ADGRL2: variants seen among roughly 807,000 people sequenced by gnomAD.
ADGRL2 encodes the protein adhesion G protein-coupled receptor L2, also known as calcium-independent alpha-latrotoxin receptor 2.
Under a neutral mutation model 157.4 loss-of-function variants are expected in ADGRL2, and 44 were observed. The ratio of observed to expected loss-of-function variants is 0.28; its 90% CI spans 0.22 to 0.36. The LOEUF (loss-of-function observed/expected upper bound fraction) is 0.36. Among genes scored for constraint, ADGRL2 ranks in the 10% least tolerant of loss-of-function variants. The pLI is 1.00. For synonymous variants in ADGRL2, 585 were observed against 624.7 expected, an observed-to-expected ratio of 0.94 and a Z score of 0.95; for missense variants, 1,510 against 1,768.9, an observed-to-expected ratio of 0.85 and a Z score of 2.63.
chr1:81,577,344 C>G (rs971576656), intron 2 of ADGRL2, among the ~76,000 whole-genome samples: 1 of 152,184 alleles, frequency 6.6e-6, no homozygotes, highest in Non-Finnish European at 1.5e-5. Context: ...CTCCTTGAGT[C>G]CTTCTACCTT....
chr1:81,627,054 G>T (rs1480422804), intron 3 of ADGRL2, among the ~76,000 whole-genome samples: 4 of 151,952 alleles, frequency 2.6e-5, no homozygotes, highest in Non-Finnish European at 5.9e-5. Context: ...AAGGGTTTTT[G>T]TAGTACCCCT....
At chr1:81,882,135 T>G (rs1266991373) in intron 2 of ADGRL2, among the ~76,000 whole-genome samples, 1 of 152,230 alleles carries the variant, frequency 6.6e-6, no homozygotes, top group Non-Finnish European at 1.5e-5. Flanking sequence ...ATTCATAATA[T>G]GTTCTAATTA....
chr1:81,380,239 C>T (rs976129288), intron 1 of ADGRL2, among the ~76,000 whole-genome samples: 14 of 152,148 alleles, frequency 9.2e-5, no homozygotes, highest in African/African-American at 3.4e-4. Flanking sequence ...TGTATTTCCT[C>T]TTTTGTGAAT....
Position 81,877,651 on chromosome 1 carries a change from G to C in ADGRL2, c.74-29366G>C, listed in dbSNP as rs771211765. 1.6e-3 allele frequency among the ~76,000 whole-genome samples: 250 copies of C among 151,852 alleles called. 2 individuals carry two copies. Among genetic ancestry groups the C allele is most frequent in the Non-Finnish European group, 5.6e-4 (38 of 67,898 alleles). ...CTGAAACTAAACCTAGGAACAATACGTGGCTTTTTTTGGGGAGGGGGGAGG... is the reference window on the plus strand; with the variant it reads ...CTGAAACTAAACCTAGGAACAATACCTGGCTTTTTTTGGGGAGGGGGGAGG... On this transcript the variant is annotated intron_variant, in intron 2 of 23. Coordinates refer to ENST00000686636, the MANE Select transcript of ADGRL2 (RefSeq NM_001366006.2).
In ADGRL2 at chr1:81,463,131, A is replaced by G. The variant is rs200120851; in HGVS notation, c.-248+18042A>G. ...CCATGTCTCAAAAAAAAAAAAAAAA[A>G]AAAGAAAAAGAAAAGAAAAAACAAG... On this transcript the variant is annotated intron_variant, in intron 2 of 24. Coordinates refer to the ADGRL2 transcript ENST00000370721. 1.6e-4 allele frequency among the ~76,000 whole-genome samples: 24 copies of G among 148,766 alleles called. 1 individual carries two copies. Among genetic ancestry groups the G allele is most frequent in the East Asian group, 4.3e-4 (2 of 4,688 alleles).
At chr1:81,456,782 A>G (rs947073714) in intron 2 of ADGRL2, among the ~76,000 whole-genome samples, 2 of 152,078 alleles carry the variant, frequency 1.3e-5, no homozygotes, top group Admixed American at 6.6e-5. Flanking sequence ...CCCACAAAAT[A>G]GTTCTTGATT....
At chr1:81,652,071 A>T (rs989085734) in intron 3 of ADGRL2, among the ~76,000 whole-genome samples, 2 of 152,138 alleles carry the variant, frequency 1.3e-5, no homozygotes, top group African/African-American at 4.8e-5. Flanking sequence ...CCATTTTGTT[A>T]TACTACCTTA....
At chr1:81,417,445 A>G (rs1172796430) in intron 1 of ADGRL2, among the ~76,000 whole-genome samples, 1 of 152,142 alleles carries the variant, frequency 6.6e-6, no homozygotes, top group Admixed American at 6.5e-5. Flanking sequence ...GATCACAATG[A>G]GTTTTTCATG....
chr1:81,800,816 G>C (rs1362233833), upstream of ADGRL2, among the ~76,000 whole-genome samples: 1 of 151,040 alleles, frequency 6.6e-6, no homozygotes, highest in African/African-American at 2.4e-5. Context: ...GTGTGTTAAT[G>C]GGGGGAGCTG....
At chr1:81,369,398 A>G (rs980161826) in intron 1 of ADGRL2, among the ~76,000 whole-genome samples, 1 of 152,226 alleles carries the variant, frequency 6.6e-6, no homozygotes, top group Non-Finnish European at 1.5e-5. Context: ...TCTATAGTCT[A>G]TATGTAAATA....
At chr1:81,384,818 G>A (rs953609155) in intron 1 of ADGRL2, among the ~76,000 whole-genome samples, 3 of 152,128 alleles carry the variant, frequency 2.0e-5, no homozygotes, top group Admixed American at 1.3e-4. Flanking sequence ...GCTGGTAATA[G>A]ATTAGGGTAC....
At chr1:81,616,435 C>G (rs183412574) in intron 3 of ADGRL2, among the ~76,000 whole-genome samples, 4 of 152,224 alleles carry the variant, frequency 2.6e-5, no homozygotes, top group South Asian at 4.1e-4. Context: ...TATTGGGGCT[C>G]GATTTCTTCT....
intron 3 of ADGRL2, among the ~76,000 whole-genome samples, chr1:81,691,326 TC>T (rs5775628): frequency 0.14 from 12,405 of 87,560 alleles, 537 homozygotes; most frequent in South Asian, 0.16. Flanking sequence ...CTGCTTGTTT[TC>T]TTTTTTTTTT....
intron 3 of ADGRL2, among the ~76,000 whole-genome samples, chr1:81,924,054 C>G (rs144479916): frequency 6.6e-6 from 1 of 152,140 alleles, no homozygotes; most frequent in African/African-American, 2.4e-5. Context: ...AGACTACTTC[C>G]GATTCAGGTA....
chr1:81,670,595 A>C (rs566286679), intron 3 of ADGRL2, among the ~76,000 whole-genome samples: 1 of 152,252 alleles, frequency 6.6e-6, no homozygotes, highest in Non-Finnish European at 1.5e-5. Context: ...AGGACACGGC[A>C]TCTGGACCAG....
intron 2 of ADGRL2, among the ~76,000 whole-genome samples, chr1:81,568,506 C>T (rs1010921430): frequency 4.6e-5 from 7 of 152,030 alleles, no homozygotes; most frequent in Non-Finnish European, 5.9e-5. Context: ...AAGCTAAATT[C>T]GTGTATATAC....
chr1:81,376,113 T>A (rs1226804833), intron 1 of ADGRL2, among the ~76,000 whole-genome samples: 1 of 152,224 alleles, frequency 6.6e-6, no homozygotes, highest in Non-Finnish European at 1.5e-5. Flanking sequence ...GGCTGAGTAA[T>A]ACAGATATAC....
intron 3 of ADGRL2, among the ~76,000 whole-genome samples, chr1:81,653,172 G>A (rs1313617685): frequency 2.0e-5 from 3 of 152,004 alleles, no homozygotes; most frequent in East Asian, 3.9e-4. Flanking sequence ...TCATCAAGAT[G>A]TTGTCTCTTG....
chr1:81,661,475 T>C (rs2082649000), intron 3 of ADGRL2, among the ~76,000 whole-genome samples: 1 of 152,202 alleles, frequency 6.6e-6, no homozygotes, highest in African/African-American at 2.4e-5. Flanking sequence ...AAAAAGCATC[T>C]AAATATGTCA....
Sources: allele counts gnomAD v4.1 joint callset (sites outside exome capture counted in the v4.1 genomes callset), GRCh38; gene constraint gnomAD v4.1.1; transcripts MANE v1.5; gene names NCBI Gene and HGNC (gene_info 2026-07-23, HGNC 2026-07-21).